MYO5B: variants seen among roughly 807,000 people sequenced by gnomAD.
MYO5B encodes the protein unconventional myosin-Vb.
Under a neutral mutation model 229.3 loss-of-function variants are expected in MYO5B, and 143 were observed. The ratio of observed to expected loss-of-function variants is 0.62; its 90% CI spans 0.54 to 0.72. MYO5B has a LOEUF of 0.72. MYO5B is among the 30% of genes least tolerant of loss of function. The pLI is 0.00. For missense variants in MYO5B, 2,321 were observed against 2,331.0 expected, an observed-to-expected ratio of 1.00 and a Z score of 0.09; for synonymous variants, 918 against 885.2, an observed-to-expected ratio of 1.04 and a Z score of -0.66.
chr18:50,007,766 C>A (rs1403042924), intron 4 of MYO5B, among the ~76,000 whole-genome samples: 3 of 152,188 alleles, frequency 2.0e-5, no homozygotes, highest in East Asian at 3.8e-4. Context: ...GGCAGCTCAT[C>A]GATAACTGCT....
At chr18:50,094,541 G>A (rs1203240928) in intron 1 of MYO5B, among the ~76,000 whole-genome samples, 1 of 152,102 alleles carries the variant, frequency 6.6e-6, no homozygotes, top group African/African-American at 2.4e-5. Flanking sequence ...TTCTCAAAGA[G>A]AAGAAATAAG....
chr18:49,992,383 C>T lies in MYO5B; in HGVS notation c.661G>A (p.Gly221Ser). 1 of 1,614,146 alleles carries T rather than the reference C, an allele frequency of 6.2e-7. No individual in the cohort carries two copies. ...TCAAAGCCAATCTGGATGTACTTGCCAAAACGGCTGCTGTTGTCATTGCGG... is the reference window on the plus strand; with the variant it reads ...TCAAAGCCAATCTGGATGTACTTGCTAAAACGGCTGCTGTTGTCATTGCGG... Reference protein sequence around the residue: ...TTRNDNSSRFGKYIQIGFDKR... With the variant: ...TTRNDNSSRFSKYIQIGFDKR... Residue 221 changes from glycine to serine, a missense_variant, in exon 6 of 40, where the codon GGC (glycine) becomes AGC (serine). By Grantham distance (56) the Gly-to-Ser change is moderately conservative (BLOSUM62 0). Around this residue, in one of 2 missense-constraint regions of MYO5B, gnomAD observed 2,113 missense variants for 2,044.7 expected, o/e 1.03. Coordinates refer to ENST00000285039, the MANE Select transcript of MYO5B (RefSeq NM_001080467.3).
chr18:49,937,911 T>C lies in MYO5B; in HGVS notation c.1753-514A>G, dbSNP rs560279418. On this transcript the variant is annotated intron_variant, in intron 14 of 39. Transcript: ENST00000285039. ...TGGAGTAATAAAAATATTCCCAGACTTTTAGTGGTGATGACTGCATAAATT... is the reference window on the plus strand; with the variant it reads ...TGGAGTAATAAAAATATTCCCAGACCTTTAGTGGTGATGACTGCATAAATT... Among the ~76,000 whole-genome samples, 3 of 152,302 alleles carry C rather than the reference T, an allele frequency of 2.0e-5. No individual in the cohort carries two copies. The East Asian group carries it at 5.8e-4, about 29-fold the overall frequency.
rs183350581 is a variant in MYO5B at position 49,993,119 on chromosome 18, G to C, written c.613-688C>G. Among the ~76,000 whole-genome samples the C allele has an allele frequency of 7.9e-5, 12 of 152,206 alleles. No homozygotes were observed. In the East Asian group the frequency reaches 2.3e-3, roughly 29 times the overall value. ...GTGGATATGGGACTAATTTTATCGT[G>C]TGAAGATTTGCTTCCTATAAAACAC... On this transcript the variant is annotated intron_variant, in intron 5 of 39. Coordinates refer to ENST00000285039, the MANE Select transcript of MYO5B (RefSeq NM_001080467.3).
chr18:50,110,900 G>A (rs73430309), intron 1 of MYO5B, among the ~76,000 whole-genome samples: 21,364 of 152,066 alleles, frequency 0.14, 3,099 homozygotes, highest in African/African-American at 0.37. Context: ...ATGCCTTACT[G>A]AATACAAAAC....
chr18:49,947,249 G>C (rs2954239), intron 14 of MYO5B, among the ~76,000 whole-genome samples: 35,161 of 151,814 alleles, frequency 0.23, 5,795 homozygotes, highest in African/African-American at 0.47. Flanking sequence ...GGGACTACAG[G>C]CGCCCGCCAC....
At chr18:49,904,172 CAGG>C (rs2024873980) in intron 20 of MYO5B, among the ~76,000 whole-genome samples, 1 of 152,236 alleles carries the variant, frequency 6.6e-6, no homozygotes, top group African/African-American at 2.4e-5. Flanking sequence ...TGGAGTCTAA[CAGG>C]AGATGTTTGA....
chr18:49,984,554 T>A (rs1206255761), intron 8 of MYO5B, among the ~76,000 whole-genome samples, 164 bp downstream of exon 8: 1 of 152,118 alleles, frequency 6.6e-6, no homozygotes, highest in African/African-American at 2.4e-5. Context: ...AGCCTGAGGG[T>A]TGGGATGGGT....
chr18:50,076,262 C>A (rs1037743398), intron 1 of MYO5B, among the ~76,000 whole-genome samples: 1 of 152,174 alleles, frequency 6.6e-6, no homozygotes, highest in African/African-American at 2.4e-5. Context: ...GGCTGCAGAA[C>A]TGTACGGAAA....
intron 10 of MYO5B, among the ~76,000 whole-genome samples, chr18:49,965,471 A>ACACACACACT (rs1295409280): frequency 6.6e-6 from 1 of 151,586 alleles, no homozygotes; most frequent in African/African-American, 2.4e-5. Flanking sequence ...ACACACACAC[A>ACACACACACT]CACACACACA....
intron 1 of MYO5B, among the ~76,000 whole-genome samples, chr18:50,185,050 G>C (rs2033128985): frequency 6.6e-6 from 1 of 151,996 alleles, no homozygotes; most frequent in Non-Finnish European, 1.5e-5. Context: ...ACACACTCCA[G>C]CCTGGGTGAC....
chr18:50,072,603 C>T (rs1489913893), intron 1 of MYO5B, among the ~76,000 whole-genome samples: 1 of 152,194 alleles, frequency 6.6e-6, no homozygotes, highest in Non-Finnish European at 1.5e-5. Flanking sequence ...ATCAGATACT[C>T]AACACCTCAT....
chr18:49,897,241 T>C (rs1458802142), intron 21 of MYO5B, among the ~76,000 whole-genome samples: 2 of 152,152 alleles, frequency 1.3e-5, no homozygotes, highest in African/African-American at 4.8e-5. Context: ...CAGCCAAGCC[T>C]GGCAGAGGGC....
In MYO5B at chr18:50,097,602, C is replaced by T. The variant is rs893379279; in HGVS notation, c.28-42224G>A. 5.6e-5 allele frequency: 12 copies of T among 215,650 alleles called. 1 individual carries two copies. Among genetic ancestry groups the T allele is most frequent in the Non-Finnish European group, 1.9e-5 (2 of 106,588 alleles). 13.4% of individuals were successfully genotyped at this position (215,650 alleles called of 1,614,324 possible). Reference sequence around the variant, plus strand: ...GTTAAAAATCATCACTCTGCAGCAGCAGCAGAATGTAGGGCTTCCTCTCCA... The same window carrying T: ...GTTAAAAATCATCACTCTGCAGCAGTAGCAGAATGTAGGGCTTCCTCTCCA... On this transcript the variant is annotated intron_variant, in intron 1 of 39. Transcript: ENST00000285039.
At chr18:49,831,310 C>T (rs548313116) in intron 39 of MYO5B, among the ~76,000 whole-genome samples, 5 of 152,230 alleles carry the variant, frequency 3.3e-5, no homozygotes, top group African/African-American at 1.2e-4. Context: ...TCAAAGGACA[C>T]TATCAAGAAA....
chr18:49,885,298 GCAC>G (rs2024630603), intron 22 of MYO5B, among the ~76,000 whole-genome samples: 1 of 152,178 alleles, frequency 6.6e-6, no homozygotes, highest in Non-Finnish European at 1.5e-5. Context: ...CCTCAGGACA[GCAC>G]CACAACACAT....
intron 7 of MYO5B, among the ~76,000 whole-genome samples, chr18:49,988,616 A>G (rs113629297): frequency 0.013 from 1,918 of 152,290 alleles, 41 homozygotes; most frequent in African/African-American, 0.044. Context: ...GGTCTTGCCA[A>G]TATTTGTTTA....
intron 14 of MYO5B, 51 bp from the exon 15 acceptor site, chr18:49,937,448 C>T (rs1249684381): frequency 6.3e-7 from 1 of 1,595,390 alleles, no homozygotes; most frequent in Non-Finnish European, 8.6e-7. Context: ...CTGCACCTTA[C>T]ATGTTTCCTC....
intron 1 of MYO5B, among the ~76,000 whole-genome samples, chr18:50,115,151 T>A (rs1014559623): frequency 1.3e-5 from 2 of 152,186 alleles, no homozygotes; most frequent in African/African-American, 4.8e-5. Flanking sequence ...CCTGTCCCAG[T>A]CATGCCAACA....
Sources: allele counts gnomAD v4.1 joint callset (sites outside exome capture counted in the v4.1 genomes callset), GRCh38; gene constraint gnomAD v4.1.1; regional missense constraint gnomAD v4.1.1; transcripts MANE v1.5; gene names NCBI Gene and HGNC (gene_info 2026-07-23, HGNC 2026-07-21).